Variants in DNAJB6 observed in about 807,000 individuals in gnomAD.
DNAJB6 encodes dnaJ homolog subfamily B member 6.
Under a neutral mutation model 42.7 loss-of-function variants are expected in DNAJB6, and 16 were observed. That is an observed-to-expected ratio of 0.37 (90% CI 0.25 to 0.57). The LOEUF is 0.57. DNAJB6 is among the 20% of genes least tolerant of loss of function. DNAJB6 has a pLI of 0.74. For synonymous variants in DNAJB6, 170 were observed against 163.5 expected, an observed-to-expected ratio of 1.04 and a Z score of -0.30; for missense variants, 347 against 416.8, an observed-to-expected ratio of 0.83 and a Z score of 1.46.
At chr7:157,387,391 G>A (rs1801121536) in intron 8 of DNAJB6, among the ~76,000 whole-genome samples, 1 of 152,132 alleles carries the variant, frequency 6.6e-6, no homozygotes, top group Admixed American at 6.5e-5. Flanking sequence ...CTCTAGTGTT[G>A]GAAATCCCAC....
chr7:157,386,272 A>G (rs1455135154), intron 8 of DNAJB6: 1 of 984,972 alleles, frequency 1.0e-6, no homozygotes, highest in Non-Finnish European at 1.2e-6. Flanking sequence ...AAAAAAAAAA[A>G]AAAGAAAATA....
intron 8 of DNAJB6, among the ~76,000 whole-genome samples, chr7:157,396,833 A>G (rs1013213039): frequency 2.6e-5 from 4 of 151,950 alleles, no homozygotes; most frequent in African/African-American, 4.8e-5. Context: ...GGAACTTCAG[A>G]CAGTTCAAGT....
chr7:157,387,062 G>GCCT (rs768818806), intron 8 of DNAJB6, among the ~76,000 whole-genome samples: 9 of 152,188 alleles, frequency 5.9e-5, no homozygotes, highest in Non-Finnish European at 1.0e-4. Flanking sequence ...AAGGACAGGC[G>GCCT]GTTCCCTGAC....
chr7:157,411,244 G>A (rs1219975986), intron 9 of DNAJB6: 1 of 147,168 alleles, frequency 6.8e-6, no homozygotes, highest in Non-Finnish European at 1.5e-5. Flanking sequence ...CGGGGTGGGG[G>A]AGACTCCCCA....
intron 9 of DNAJB6, chr7:157,411,072 T>A (rs140941554): frequency 6.6e-6 from 1 of 151,646 alleles, no homozygotes; most frequent in East Asian, 1.9e-4. Flanking sequence ...TCACCTTTGC[T>A]GTGTGAGTCT....
chr7:157,407,679 C>T (rs1223156827), intron 8 of DNAJB6, among the ~76,000 whole-genome samples: 1 of 152,098 alleles, frequency 6.6e-6, no homozygotes, highest in Non-Finnish European at 1.5e-5. Flanking sequence ...CAGGTGTCCC[C>T]GGGCAGCCTG....
intron 8 of DNAJB6, among the ~76,000 whole-genome samples, chr7:157,403,656 A>C (rs1795624472): frequency 6.6e-6 from 1 of 151,860 alleles, no homozygotes; most frequent in South Asian, 2.1e-4. Flanking sequence ...TTCTTTAGGA[A>C]TAAAATGGGA....
chr7:157,368,648 C>CTCCTGTTAGAG (rs1277911522), intron 5 of DNAJB6: 4 of 153,118 alleles, frequency 2.6e-5, no homozygotes, highest in Middle Eastern at 3.4e-3. Flanking sequence ...TGTTAGCTGT[C>CTCCTGTTAGAG]TCCTGTTAGA....
At chr7:157,412,192 C>T (rs538379466) in intron 9 of DNAJB6, 20 of 152,234 alleles carry the variant, frequency 1.3e-4, no homozygotes, top group African/African-American at 4.3e-4. Context: ...GTCAAGAAAC[C>T]GCTGCAGAGT....
intron 8 of DNAJB6, among the ~76,000 whole-genome samples, chr7:157,392,678 C>T (rs1208577206): frequency 6.6e-6 from 1 of 152,122 alleles, no homozygotes; most frequent in African/African-American, 2.4e-5. Flanking sequence ...CAGTCTTCGT[C>T]GTGCTTTCAA....
chr7:157,366,802 A>G (rs1337929258), intron 4 of DNAJB6, among the ~76,000 whole-genome samples: 3 of 152,272 alleles, frequency 2.0e-5, no homozygotes, highest in South Asian at 2.1e-4. Context: ...ATACTGCAAT[A>G]TATTGTGAAC....
rs192737120 is a variant in DNAJB6 at position 157,349,528 on chromosome 7, G to A, written c.-26-9019G>A. On this transcript the variant is annotated intron_variant, in intron 1 of 9. Coordinates refer to ENST00000262177, the MANE Select transcript of DNAJB6 (RefSeq NM_058246.4). ...GTCAGAGTCTTGCTCGGTCACCCAG[G>A]TTGGCGTGCAGTGGTAAAATCACGG... Among the ~76,000 whole-genome samples, 723 of 152,154 alleles carry A rather than the reference G, an allele frequency of 4.8e-3. 6 individuals are homozygous for A. Among genetic ancestry groups the A allele is most frequent in the Middle Eastern group, 0.027 (8 of 294 alleles).
intron 9 of DNAJB6, 111 bp from the exon 10 acceptor site, chr7:157,415,905 A>C: frequency 6.3e-7 from 1 of 1,585,738 alleles, no homozygotes; most frequent in Non-Finnish European, 8.6e-7. Context: ...AGATGACTTC[A>C]TTTTGTTGCT....
chr7:157,400,746 G>A (rs1801823442), intron 8 of DNAJB6, among the ~76,000 whole-genome samples: 2 of 152,334 alleles, frequency 1.3e-5, no homozygotes, highest in South Asian at 4.1e-4. Context: ...AGGTCATGAG[G>A]CGGGGCAGGA....
intron 3 of DNAJB6, among the ~76,000 whole-genome samples, chr7:157,365,391 C>T (rs1447164201): frequency 6.6e-6 from 1 of 152,220 alleles, no homozygotes. Flanking sequence ...GCACACTAGC[C>T]CCAGGCCTTG....
At chr7:157,358,717 T>A in intron 2 of DNAJB6, 80 bp downstream of exon 2, 1 of 1,156,726 alleles carries the variant, frequency 8.6e-7, no homozygotes, top group Admixed American at 1.8e-5. Flanking sequence ...TTCTATTGCC[T>A]ATGAAAATGG....
At chr7:157,403,515 G>A (rs1166680717) in intron 8 of DNAJB6, among the ~76,000 whole-genome samples, 1 of 152,184 alleles carries the variant, frequency 6.6e-6, no homozygotes, top group Non-Finnish European at 1.5e-5. Flanking sequence ...TGCCCAAGCT[G>A]GAGTCCAGTG....
intron 1 of DNAJB6, among the ~76,000 whole-genome samples, chr7:157,358,011 T>C (rs930639335): frequency 1.3e-5 from 2 of 152,152 alleles, no homozygotes; most frequent in Non-Finnish European, 2.9e-5. Context: ...CTTTCTCTCT[T>C]GGGAGATGTG....
chr7:157,371,407 C>A (rs1426912271), intron 5 of DNAJB6, among the ~76,000 whole-genome samples: 1 of 152,238 alleles, frequency 6.6e-6, no homozygotes, highest in Non-Finnish European at 1.5e-5. Flanking sequence ...TGAAGGGGTG[C>A]CGGATGTTGG....
Sources: gnomAD v4.1 joint callset for allele counts (sites outside exome capture counted in the v4.1 genomes callset) on GRCh38, gnomAD v4.1.1 for gene constraint, MANE v1.5 for transcripts, NCBI Gene and HGNC (gene_info 2026-07-23, HGNC 2026-07-21) for gene names.